TNNC1: variants seen among roughly 807,000 people sequenced by gnomAD.
TNNC1 encodes troponin C, slow skeletal and cardiac muscles.
Under a neutral mutation model 19.6 loss-of-function variants are expected in TNNC1, and 10 were observed. That is an observed-to-expected ratio of 0.51 (90% CI 0.31 to 0.87). The LOEUF is 0.87. Ranked by LOEUF, TNNC1 falls within the 40% of genes least tolerant of loss-of-function variation. TNNC1 has a pLI of 0.04. For synonymous variants in TNNC1, 85 were observed against 80.1 expected, an observed-to-expected ratio of 1.06 and a Z score of -0.33; for missense variants, 115 against 219.8, an observed-to-expected ratio of 0.52 and a Z score of 3.02.
rs397516847 is a variant in TNNC1, at chr3:52,451,443, C to A, written c.402G>T (p.Glu134Asp). ...TGETITEDDI[E>D]ELMKDGDKNN... ...TCTTGTCTCCGTCCTTCATGAGCTC[C>A]TCGATGTCGTCCTCCGTGATGGTCT... is the stretch of plus-strand genomic sequence containing the variant. The change falls in exon 5 of 6, where the codon GAG becomes GAT. Residue 134 changes from glutamate (E) to aspartate (D), a missense_variant. Glu to Asp is a conservative substitution (Grantham distance 45). Transcript: ENST00000232975. The surrounding 1 kb of genome is among the most constrained non-coding windows in gnomAD (Gnocchi z 4.8). 1.1e-5 allele frequency: 17 copies of A among 1,614,046 alleles called. No individual in the cohort carries two copies. The highest frequency in any genetic ancestry group is 1.4e-5 in the Non-Finnish European group (17 of 1,180,018).
In TNNC1 at chr3:52,451,772, G is replaced by C; in HGVS notation, c.289C>G (p.Leu97Val). Residue 97 changes from leucine to valine, a missense_variant, in exon 4 of 6, where the codon CTG (leucine) becomes GTG (valine). Leu to Val is a conservative substitution (Grantham distance 32, BLOSUM62 1). This residue lies in a region of TNNC1 where 96 missense variants were observed against 114.2 expected (regional missense o/e 0.84). Transcript: ENST00000232975. This position sits in a 1 kb window ranked among gnomAD's most constrained non-coding sequence, Gnocchi z 4.8. ...TCAAACATGCGGAAGAGGTCAGACA[G>C]CTCCTCCTCAGATTTCCCTTTGCTG... ...DDSKGKSEEELSDLFRMFDKN... is the reference protein window; with the variant it reads ...DDSKGKSEEEVSDLFRMFDKN... 6.2e-7 allele frequency: 1 copy of C among 1,614,114 alleles called. No homozygotes were observed. The highest frequency in any genetic ancestry group is 8.5e-7 in the Non-Finnish European group (1 of 1,179,990).
chr3:52,452,743 C>T lies in TNNC1; in HGVS notation c.25-230G>A, dbSNP rs1706348024. 3 of 606,288 alleles carry T rather than the reference C, an allele frequency of 4.9e-6. No individual in the cohort carries two copies. The highest frequency in any genetic ancestry group is 8.8e-6 in the Non-Finnish European group (3 of 339,232). 37.6% of individuals were successfully genotyped at this position (606,288 alleles called of 1,614,324 possible). A position where few individuals can be genotyped will look rare whatever the true frequency, so the allele number is the denominator to read the frequency against. On this transcript the variant is annotated intron_variant, in intron 1 of 5. Transcript: ENST00000232975. The surrounding 1 kb of genome is among the most constrained non-coding windows in gnomAD (Gnocchi z 5.2). ...TGACAGGTGGGCACCCCCTTCAGGA[C>T]CAAGGTGACCCTCAGTAACAATAGT...
In TNNC1 at chr3:52,451,442, C is replaced by T. The variant is rs757105607; in HGVS notation, c.403G>A (p.Glu135Lys). The change falls in exon 5 of 6, where the codon GAG (glutamate) becomes AAG (lysine). Residue 135 changes from glutamate to lysine, a missense_variant. Glu to Lys is a moderately conservative substitution (Grantham distance 56). This residue lies in a region of TNNC1 where 96 missense variants were observed against 114.2 expected (regional missense o/e 0.84). Transcript: ENST00000232975. The surrounding 1 kb of genome is among the most constrained non-coding windows in gnomAD (Gnocchi z 4.8). ...TTCTTGTCTCCGTCCTTCATGAGCT[C>T]CTCGATGTCGTCCTCCGTGATGGTC... ...GETITEDDIEELMKDGDKNND... is the reference protein window; with the variant it reads ...GETITEDDIEKLMKDGDKNND... 1 of 1,614,184 alleles carries T rather than the reference C, an allele frequency of 6.2e-7. No individual in the cohort carries two copies. Among genetic ancestry groups the T allele is most frequent in the Non-Finnish European group, 8.5e-7 (1 of 1,180,010 alleles).
Position 52,452,268 on chromosome 3 carries a change from G to A in TNNC1, c.56-16C>T, listed in dbSNP as rs1706340930. ...GCCTTGAACTCTGTGTTCAGGGGTTGGGGGGCACAGTAGTCAGGGCTCAGC... is the reference window on the plus strand; with the variant it reads ...GCCTTGAACTCTGTGTTCAGGGGTTAGGGGGCACAGTAGTCAGGGCTCAGC... On this transcript the variant is annotated splice_polypyrimidine_tract_variant and intron_variant, in intron 2 of 5. Transcript: ENST00000232975. The surrounding 1 kb of genome is among the most constrained non-coding windows in gnomAD (Gnocchi z 5.2). 3 of 1,607,392 alleles carry A rather than the reference G, an allele frequency of 1.9e-6. No homozygotes were observed. The highest frequency in any genetic ancestry group is 2.5e-6 in the Non-Finnish European group (3 of 1,179,978).
In TNNC1 at chr3:52,451,848, C is replaced by CG; in HGVS notation, c.212dup (p.Val72GlyfsTer4). 1 of 1,614,042 alleles carries CG rather than the reference C, an allele frequency of 6.2e-7. No homozygotes were observed. The highest frequency in any genetic ancestry group is 8.5e-7 in the Non-Finnish European group (1 of 1,179,974). The stretch of plus-strand genomic sequence containing the variant: ...TGACCAGGAACTCATCAAAGTCCAC[C>CG]GTGCCGCTGCCTGGGGGTGGGCAGC... On this transcript the variant is annotated frameshift_variant, in exon 4 of 6. Transcript: ENST00000232975. LOFTEE classifies it high-confidence loss of function. The surrounding 1 kb of genome is among the most constrained non-coding windows in gnomAD (Gnocchi z 4.8).
In TNNC1 at chr3:52,451,848, C is replaced by A; in HGVS notation, c.213G>T (p.Thr71=). ...TGACCAGGAACTCATCAAAGTCCAC[C>A]GTGCCGCTGCCTGGGGGTGGGCAGC... ...IDEVDEDGSG[T]VDFDEFLVMM... is the part of the protein sequence containing the mutation. The change falls in exon 4 of 6, where the codon ACG becomes ACT. Residue 71 remains threonine, a synonymous_variant. Transcript: ENST00000232975. This position sits in a 1 kb window ranked among gnomAD's most constrained non-coding sequence, Gnocchi z 4.8. 2 of 1,614,042 alleles carry A rather than the reference C, an allele frequency of 1.2e-6. No homozygotes were observed. Among genetic ancestry groups the A allele is most frequent in the East Asian group, 2.2e-5 (1 of 44,872 alleles).
chr3:52,452,338 C>A lies in TNNC1; in HGVS notation c.56-86G>T. The A allele has an allele frequency of 1.3e-6, 2 of 1,598,162 alleles. No homozygotes were observed. The highest frequency in any genetic ancestry group is 1.7e-6 in the Non-Finnish European group (2 of 1,175,712). On this transcript the variant is annotated intron_variant, in intron 2 of 5. Coordinates refer to ENST00000232975, the MANE Select transcript of TNNC1 (RefSeq NM_003280.3). The surrounding 1 kb of genome is among the most constrained non-coding windows in gnomAD (Gnocchi z 5.2). ...CAGAACCCTGGGGCCACCTGCCAACCTGCCCACCTCCCTCGGAGACCTCTC... is the reference window on the plus strand; with the variant it reads ...CAGAACCCTGGGGCCACCTGCCAACATGCCCACCTCCCTCGGAGACCTCTC...
In TNNC1 at chr3:52,452,924, G is replaced by A. The variant is rs1706350010; in HGVS notation, c.25-411C>T. The stretch of plus-strand genomic sequence containing the variant: ...GGGTGGCCACTGGGCTATTTTTAAC[G>A]AGGAACAAAGTTAAACCTGGTGATT... On this transcript the variant is annotated intron_variant, in intron 1 of 5. Transcript: ENST00000232975. The surrounding 1 kb of genome is among the most constrained non-coding windows in gnomAD (Gnocchi z 5.2). 6.7e-6 allele frequency: 2 copies of A among 299,086 alleles called. No homozygotes were observed. Among genetic ancestry groups the A allele is most frequent in the African/African-American group, 2.1e-5 (1 of 46,546 alleles). 18.5% of individuals were successfully genotyped at this position (299,086 alleles called of 1,614,324 possible).
At chr3:52,453,015 G>A (rs1262754987) in intron 1 of TNNC1, among the ~76,000 whole-genome samples, 18 of 152,240 alleles carry the variant, frequency 1.2e-4, no homozygotes, top group African/African-American at 4.1e-4. Flanking sequence ...TGCTAGTGCC[G>A]CCTCAGAAGC....
intron 1 of TNNC1, among the ~76,000 whole-genome samples, chr3:52,453,561 T>C (rs1578265020): frequency 6.6e-6 from 1 of 151,230 alleles, no homozygotes; most frequent in Non-Finnish European, 1.5e-5. Context: ...TGGAGTGGGG[T>C]GGCAGATTTT....
chr3:52,451,875 T>C lies in TNNC1; in HGVS notation c.203-17A>G. 4 of 1,610,596 alleles carry C rather than the reference T, an allele frequency of 2.5e-6. No homozygotes were observed. The highest frequency in any genetic ancestry group is 3.3e-5 in the Admixed American group (2 of 60,012). On this transcript the variant is annotated splice_polypyrimidine_tract_variant and intron_variant, in intron 3 of 5. Coordinates refer to ENST00000232975, the MANE Select transcript of TNNC1 (RefSeq NM_003280.3). This position sits in a 1 kb window ranked among gnomAD's most constrained non-coding sequence, Gnocchi z 4.8. ...TGCCGCTGCCTGGGGGTGGGCAGCA[T>C]GGCCGTTACAGAGGCCAGGGTAGGT...
chr3:52,451,611 TG>T lies in TNNC1; in HGVS notation c.318-85del, dbSNP rs935435138. On this transcript the variant is annotated intron_variant, in intron 4 of 5. Coordinates refer to ENST00000232975, the MANE Select transcript of TNNC1 (RefSeq NM_003280.3). The surrounding 1 kb of genome is among the most constrained non-coding windows in gnomAD (Gnocchi z 4.8). ...GCCCCAGGAGGCAGAGCAGGGACAC[TG>T]GGAGATGGGGCATCCCTCTCCCCTA... 6.9e-5 allele frequency: 110 copies of T among 1,594,388 alleles called. No homozygotes were observed. In the African/African-American group the frequency reaches 1.3e-3, roughly 18 times the overall value.
chr3:52,451,971 G>A lies in TNNC1; in HGVS notation c.203-113C>T. The stretch of plus-strand genomic sequence containing the variant: ...TCCTCACACCAAACGCCAGGCTTGT[G>A]TAGCCCTTATGCCCATTTTATAGAT... On this transcript the variant is annotated intron_variant, in intron 3 of 5. Coordinates refer to ENST00000232975, the MANE Select transcript of TNNC1 (RefSeq NM_003280.3). The surrounding 1 kb of genome is among the most constrained non-coding windows in gnomAD (Gnocchi z 4.8). 2 of 1,548,222 alleles carry A rather than the reference G, an allele frequency of 1.3e-6. No individual in the cohort carries two copies. The highest frequency in any genetic ancestry group is 2.2e-5 in the South Asian group (2 of 89,754).
In TNNC1 at chr3:52,451,871, A is replaced by G; in HGVS notation, c.203-13T>C. ...ACCGTGCCGCTGCCTGGGGGTGGGC[A>G]GCATGGCCGTTACAGAGGCCAGGGT... On this transcript the variant is annotated splice_polypyrimidine_tract_variant and intron_variant, in intron 3 of 5. Transcript: ENST00000232975. This position sits in a 1 kb window ranked among gnomAD's most constrained non-coding sequence, Gnocchi z 4.8. 1 of 1,613,022 alleles carries G rather than the reference A, an allele frequency of 6.2e-7. No homozygotes were observed. The highest frequency in any genetic ancestry group is 8.5e-7 in the Non-Finnish European group (1 of 1,179,148).
In TNNC1 at chr3:52,451,637, A is replaced by G; in HGVS notation, c.317+107T>C. On this transcript the variant is annotated intron_variant, in intron 4 of 5. Transcript: ENST00000232975. The surrounding 1 kb of genome is among the most constrained non-coding windows in gnomAD (Gnocchi z 4.8). ...GGGAGATGGGGCATCCCTCTCCCCT[A>G]TCAGGCAGAGGCCACAGGGTCCCTA... is the stretch of plus-strand genomic sequence containing the variant. 3.8e-6 allele frequency: 6 copies of G among 1,578,500 alleles called. No individual in the cohort carries two copies. The highest frequency in any genetic ancestry group is 1.7e-5 in the Admixed American group (1 of 59,784).
Position 52,452,302 on chromosome 3 carries a change from C to T in TNNC1, c.56-50G>A. On this transcript the variant is annotated intron_variant, in intron 2 of 5. Transcript: ENST00000232975. The surrounding 1 kb of genome is among the most constrained non-coding windows in gnomAD (Gnocchi z 5.2). ...AGTAGTCAGGGCTCAGCAGCCAGGA[C>T]CACGGAGGGCCAGAACCCTGGGGCC... 2 of 1,603,010 alleles carry T rather than the reference C, an allele frequency of 1.2e-6. No homozygotes were observed. The highest frequency in any genetic ancestry group is 1.1e-5 in the South Asian group (1 of 91,076).
At position 52,451,965 on chromosome 3, in the gene TNNC1, G is replaced by A. The variant is rs1578264176; in HGVS notation, c.203-107C>T. ...ACCGCATCCTCACACCAAACGCCAG[G>A]CTTGTGTAGCCCTTATGCCCATTTT... On this transcript the variant is annotated intron_variant, in intron 3 of 5. Transcript: ENST00000232975. The surrounding 1 kb of genome is among the most constrained non-coding windows in gnomAD (Gnocchi z 4.8). 1 of 1,542,030 alleles carries A rather than the reference G, an allele frequency of 6.5e-7. No homozygotes were observed. The highest frequency in any genetic ancestry group is 2.2e-5 in the East Asian group (1 of 44,518).
chr3:52,454,029 A>G lies in TNNC1; in HGVS notation c.-14T>C. On this transcript the variant is annotated 5_prime_UTR_variant, in exon 1 of 6. Coordinates refer to ENST00000232975, the MANE Select transcript of TNNC1 (RefSeq NM_003280.3). ...GATGTCATCCATGCTGGCGGCTCAC[A>G]GGACAGCTTGCTGGGGTTGCCAGCC... 2 of 1,573,060 alleles carry G rather than the reference A, an allele frequency of 1.3e-6. No individual in the cohort carries two copies. The highest frequency in any genetic ancestry group is 1.7e-6 in the Non-Finnish European group (2 of 1,157,856).
At chr3:52,453,900 C>T in intron 1 of TNNC1, 92 bp downstream of exon 1, 2 of 1,483,810 alleles carry the variant, frequency 1.3e-6, no homozygotes, top group East Asian at 4.9e-5. Context: ...TTGGTCCCCA[C>T]CACTTCCCTG....
Sources: gnomAD v4.1 joint callset for allele counts (sites outside exome capture counted in the v4.1 genomes callset) on GRCh38, gnomAD v4.1.1 for gene constraint, gnomAD v4.1.1 regional missense constraint, Gnocchi (gnomAD v3.1) non-coding constraint, MANE v1.5 for transcripts, NCBI Gene and HGNC (gene_info 2026-07-23, HGNC 2026-07-21) for gene names.